The following DAGLA variants were observed in gnomAD, a reference collection of about 807,000 sequenced individuals.
DAGLA encodes the protein diacylglycerol lipase alpha, also known as diacylglycerol lipase-alpha.
In DAGLA, 22 loss-of-function variants were observed where a neutral mutation model predicts 102.6. The ratio of observed to expected loss-of-function variants is 0.21; its 90% CI spans 0.15 to 0.31. The LOEUF (loss-of-function observed/expected upper bound fraction) is 0.31. Among genes scored for constraint, DAGLA ranks in the 10% least tolerant of loss-of-function variants. DAGLA has a pLI of 1.00. For synonymous variants in DAGLA, 578 were observed against 628.9 expected (o/e 0.92, Z 1.21); for missense variants, 927 against 1,446.6 (o/e 0.64, Z 5.83).
intron 1 of DAGLA, among the ~76,000 whole-genome samples, chr11:61,699,804 C>T (rs962535359): frequency 3.9e-5 from 6 of 152,262 alleles, no homozygotes; most frequent in Non-Finnish European, 8.8e-5. Context: ...AATGCCACCC[C>T]ATAGGGCAGC....
chr11:61,720,766 C>G lies in DAGLA; in HGVS notation c.183C>G (p.Gly61=), dbSNP rs757105086. Residue 61 remains glycine, a synonymous_variant, in exon 3 of 20, where the codon GGC becomes GGG. Transcript: ENST00000257215. The part of the protein sequence containing the change: ...CSLNLVDHGR[G]YLGILLSCMI... ...TGAACCTGGTGGACCACGGCCGCGGCTACCTGGGCATCCTGCTGAGCTGCA... is the reference window on the plus strand; with the variant it reads ...TGAACCTGGTGGACCACGGCCGCGGGTACCTGGGCATCCTGCTGAGCTGCA... The G allele has an allele frequency of 2.5e-6, 4 of 1,613,998 alleles. No individual in the cohort carries two copies. The South Asian group carries it at 4.4e-5, about 18-fold the overall frequency.
intron 1 of DAGLA, among the ~76,000 whole-genome samples, chr11:61,719,105 G>A (rs1413499758): frequency 3.9e-5 from 6 of 152,240 alleles, no homozygotes; most frequent in Non-Finnish European, 8.8e-5. Flanking sequence ...AGCCCTTTAT[G>A]GGTATCTCTG....
At chr11:61,718,678 C>G (rs540096638) in intron 1 of DAGLA, among the ~76,000 whole-genome samples, 1 of 152,022 alleles carries the variant, frequency 6.6e-6, no homozygotes, top group Admixed American at 6.5e-5. Context: ...AGCTGAGCTC[C>G]GACTCCTCCT....
In DAGLA at chr11:61,684,386, G is replaced by T. The variant is rs1180120544; in HGVS notation, c.-45+3882G>T. On this transcript the variant is annotated intron_variant, in intron 1 of 19. Coordinates refer to ENST00000257215, the MANE Select transcript of DAGLA (RefSeq NM_006133.3). The surrounding 1 kb of genome is among the most constrained non-coding windows in gnomAD (Gnocchi z 4.5). ...TCCCCAGCGGATAGGGCTGAAAATGGTTTATTTTGATTTTCTTTTTTTGTT... is the reference window on the plus strand; with the variant it reads ...TCCCCAGCGGATAGGGCTGAAAATGTTTTATTTTGATTTTCTTTTTTTGTT... Among the ~76,000 whole-genome samples the T allele has an allele frequency of 6.6e-6, 1 of 152,200 alleles. No homozygotes were observed. Among genetic ancestry groups the T allele is most frequent in the Non-Finnish European group, 1.5e-5 (1 of 68,032 alleles).
intron 1 of DAGLA, 27 bp downstream of exon 1, chr11:61,680,531 C>A: frequency 6.7e-6 from 1 of 149,330 alleles, no homozygotes; most frequent in South Asian, 1.8e-4. Flanking sequence ...GCGCGGCGGG[C>A]CGGTCCTGGG....
At position 61,730,829 on chromosome 11, in the gene DAGLA, G is replaced by C. The variant is rs548775295; in HGVS notation, c.850-488G>C. ...GCAGTCAAAGAACCCAAGGGCCAGA[G>C]ATTTGGTGATTGGTCTCCTGGCCTA... On this transcript the variant is annotated intron_variant, in intron 8 of 19. Coordinates refer to ENST00000257215, the MANE Select transcript of DAGLA (RefSeq NM_006133.3). 9.2e-5 allele frequency among the ~76,000 whole-genome samples: 14 copies of C among 152,362 alleles called. No homozygotes were observed. In the South Asian group the frequency reaches 2.9e-3, roughly 32 times the overall value.
chr11:61,724,684 G>A (rs17156268), intron 5 of DAGLA, among the ~76,000 whole-genome samples: 2,584 of 152,260 alleles, frequency 0.017, 70 homozygotes, highest in African/African-American at 0.058. Flanking sequence ...CCACGTCCCA[G>A]CCCAAAATGT....
intron 1 of DAGLA, among the ~76,000 whole-genome samples, chr11:61,710,606 C>G (rs1411456893): frequency 6.6e-6 from 1 of 151,972 alleles, no homozygotes; most frequent in East Asian, 1.9e-4. Context: ...GTGCTGGGCT[C>G]CTAGGAGTTG....
intron 1 of DAGLA, among the ~76,000 whole-genome samples, chr11:61,715,142 G>A (rs2065226494): frequency 6.6e-6 from 1 of 152,144 alleles, no homozygotes. Flanking sequence ...TAGAGTGCAG[G>A]GTCTTAACCA....
intron 15 of DAGLA, 114 bp from the exon 16 acceptor site, chr11:61,738,021 C>T (rs543885290): frequency 1.1e-5 from 9 of 835,728 alleles, no homozygotes; most frequent in East Asian, 2.6e-5. Context: ...CCCTGGCTGA[C>T]GTGTCTTCTT....
chr11:61,738,749 G>A (rs531086709), intron 16 of DAGLA, among the ~76,000 whole-genome samples: 57 of 152,242 alleles, frequency 3.7e-4, no homozygotes, highest in Admixed American at 9.2e-4. Context: ...TGGGGGTGGG[G>A]ACATGGTGGC....
chr11:61,719,766 G>C (rs2065266508), intron 1 of DAGLA, among the ~76,000 whole-genome samples: 1 of 152,202 alleles, frequency 6.6e-6, no homozygotes, highest in South Asian at 2.1e-4. Flanking sequence ...AGGGTTTGAG[G>C]GCTGGGCTGA....
intron 1 of DAGLA, among the ~76,000 whole-genome samples, chr11:61,708,049 C>T (rs2065164256): frequency 6.6e-6 from 1 of 151,716 alleles, no homozygotes; most frequent in Admixed American, 6.6e-5. Flanking sequence ...GCTCTATTGC[C>T]CAGGCTGGAG....
rs199944257 is a variant in DAGLA at position 61,728,318 on chromosome 11, C to T, written c.771+31C>T. The T allele has an allele frequency of 2.5e-3, 3,994 of 1,601,932 alleles. 5 individuals carry two copies. Among genetic ancestry groups the T allele is most frequent in the Non-Finnish European group, 3.2e-3 (3,762 of 1,177,888 alleles). ...CACCACCAGCCCCTTCTCCAGGTCACCTCTCCACACCACCCTTCTTTCAGG... is the reference window on the plus strand; with the variant it reads ...CACCACCAGCCCCTTCTCCAGGTCATCTCTCCACACCACCCTTCTTTCAGG... On this transcript the variant is annotated intron_variant, in intron 7 of 19. Transcript: ENST00000257215.
chr11:61,709,040 C>G (rs547031272), intron 1 of DAGLA, among the ~76,000 whole-genome samples: 1 of 152,292 alleles, frequency 6.6e-6, no homozygotes, highest in Non-Finnish European at 1.5e-5. Context: ...TCTGTGGCCC[C>G]TTTTGCCCTC....
chr11:61,710,877 C>T (rs1387463548), intron 1 of DAGLA, among the ~76,000 whole-genome samples: 1 of 152,218 alleles, frequency 6.6e-6, no homozygotes, highest in African/African-American at 2.4e-5. Context: ...TCATGACTCA[C>T]TCACTATGAA....
intron 17 of DAGLA, 124 bp downstream of exon 17, chr11:61,739,785 C>T (rs1403762706): frequency 9.9e-7 from 1 of 1,009,452 alleles, no homozygotes; most frequent in Non-Finnish European, 1.4e-6. Context: ...GAAGATGGCC[C>T]AGGGCCTCCA....
intron 1 of DAGLA, among the ~76,000 whole-genome samples, chr11:61,717,360 C>T (rs975847562): frequency 6.6e-6 from 1 of 152,076 alleles, no homozygotes; most frequent in Non-Finnish European, 1.5e-5. Flanking sequence ...CAGCACAGGC[C>T]CTGCCACCCC....
At chr11:61,740,097 G>C (rs35571184) in intron 17 of DAGLA, among the ~76,000 whole-genome samples, 31,264 of 152,224 alleles carry the variant, frequency 0.21, 3,320 homozygotes, top group South Asian at 0.34. Flanking sequence ...GCAGGCAAGT[G>C]GGTAGACCTT....
Sources: allele counts gnomAD v4.1 joint callset (sites outside exome capture counted in the v4.1 genomes callset), GRCh38; gene constraint gnomAD v4.1.1; non-coding constraint Gnocchi (gnomAD v3.1); transcripts MANE v1.5; gene names NCBI Gene and HGNC (gene_info 2026-07-23, HGNC 2026-07-21).